Variants in WDR13 observed in about 807,000 individuals in gnomAD.
WDR13 encodes WD repeat domain 13.
In WDR13, 1 loss-of-function variant was observed where a neutral mutation model predicts 28.6. The ratio of observed to expected loss-of-function variants is 0.03; its 90% CI spans 0.01 to 0.17. WDR13 has a LOEUF of 0.17. Ranked by LOEUF, WDR13 falls within the 10% of genes least tolerant of loss-of-function variation. The probability of loss-of-function intolerance (pLI) is 1.00; values close to 1 mark genes in which losing one functional copy is unlikely to be tolerated. For missense variants in WDR13, 264 were observed against 469.3 expected (o/e 0.56, Z 4.04); for synonymous variants, 201 against 185.9 (o/e 1.08, Z -0.66).
chrX:48,608,374 C>T lies in WDR13; in HGVS notation c.*3342C>T, dbSNP rs1556996407. The T allele has an allele frequency of 9.0e-6, 1 of 111,605 alleles. No individual in the cohort carries two copies. The highest frequency in any genetic ancestry group is 1.9e-5 in the Non-Finnish European group (1 of 53,216). 9.2% of individuals were successfully genotyped at this position (111,605 alleles called of 1,213,427 possible). A position where few individuals can be genotyped will look rare whatever the true frequency, so the allele number is the denominator to read the frequency against. ...CAAGTGATCCTCTCACCTTGGCCTA[C>T]CAAAGTGCTGGCGTTACAGGTGTGA... On this transcript the variant is annotated 3_prime_UTR_variant, in exon 10 of 10. Transcript: ENST00000376729.
In WDR13 at chrX:48,605,808, C is replaced by G. The variant is rs939099662; in HGVS notation, c.*776C>G. ...TGAACTCCTGGGCTCAAGCGATCCA[C>G]TCGCCTCAGCCTCCCAAAGTGCTGG... is the stretch of plus-strand genomic sequence containing the variant. On this transcript the variant is annotated 3_prime_UTR_variant, in exon 10 of 10. Transcript: ENST00000376729. 4 of 111,085 alleles carry G rather than the reference C, an allele frequency of 3.6e-5. No homozygotes were observed. Among genetic ancestry groups the G allele is most frequent in the African/African-American group, 9.8e-5 (3 of 30,536 alleles). 9.2% of individuals were successfully genotyped at this position (111,085 alleles called of 1,213,427 possible). A position where few individuals can be genotyped will look rare whatever the true frequency, so the allele number is the denominator to read the frequency against.
chrX:48,600,462 T>G lies in WDR13; in HGVS notation c.667T>G (p.Phe223Val). 8.2e-7 allele frequency: 1 copy of G among 1,212,563 alleles called. No individual in the cohort carries two copies. The highest frequency in any genetic ancestry group is 1.1e-6 in the Non-Finnish European group (1 of 895,707). Residue 223 changes from phenylalanine (F) to valine (V), a missense_variant, in exon 6 of 10, where the codon TTC (phenylalanine) becomes GTC (valine). Phe to Val is a conservative substitution (Grantham distance 50). Coordinates refer to ENST00000376729, the MANE Select transcript of WDR13 (RefSeq NM_001347217.2). The stretch of plus-strand genomic sequence containing the variant: ...GGGCCACACCCGTGGTGTCTCCGAC[T>G]TCGCCTGGTCCCTCTCCAATGACAT... ...LRGHTRGVSD[F>V]AWSLSNDILV...
At chrX:48,602,329 A>T (rs927143196) in intron 8 of WDR13, 123 bp downstream of exon 8, 18 of 820,778 alleles carry the variant, frequency 2.2e-5, no homozygotes, top group Non-Finnish European at 2.7e-5. Flanking sequence ...AGTAACAGTA[A>T]TAGCAGTAGT....
intron 8 of WDR13, among the ~76,000 whole-genome samples, chrX:48,603,876 A>G (rs919528730): frequency 9.0e-6 from 1 of 111,400 alleles, no homozygotes; most frequent in African/African-American, 3.3e-5. Context: ...AAACTAGTGA[A>G]TGAAACTGCA....
intron 8 of WDR13, among the ~76,000 whole-genome samples, chrX:48,603,727 C>T (rs1447306100): frequency 9.0e-6 from 1 of 111,295 alleles, no homozygotes; most frequent in African/African-American, 3.3e-5. Context: ...GAAACCCCCC[C>T]AGGTTACCTG....
rs2062231546 is a variant in WDR13, at chrX:48,607,963, G to T, written c.*2931G>T. 9.3e-6 allele frequency: 1 copy of T among 108,082 alleles called. No homozygotes were observed. The highest frequency in any genetic ancestry group is 3.4e-5 in the African/African-American group (1 of 29,598). 8.9% of individuals were successfully genotyped at this position (108,082 alleles called of 1,213,427 possible). A position where few individuals can be genotyped will look rare whatever the true frequency, so the allele number is the denominator to read the frequency against. On this transcript the variant is annotated 3_prime_UTR_variant, in exon 10 of 10. Coordinates refer to ENST00000376729, the MANE Select transcript of WDR13 (RefSeq NM_001347217.2). The stretch of plus-strand genomic sequence containing the variant: ...ATTTTTGTATTTTTAGTAGAGACGG[G>T]GTTTCACCATATTGGCCAGGCTGGT...
At chrX:48,600,880 G>A (rs1443996499) in intron 6 of WDR13, among the ~76,000 whole-genome samples, 1 of 111,244 alleles carries the variant, frequency 9.0e-6, no homozygotes, top group Non-Finnish European at 1.9e-5. Context: ...CGGATCACGA[G>A]GTCAGGAGAT....
Position 48,598,495 on chromosome X carries a change from ACT to A in WDR13, c.42-219_42-218del, listed in dbSNP as rs1208228656. On this transcript the variant is annotated intron_variant, in intron 2 of 9. Transcript: ENST00000376729. ...GGGACCCCAGCACGGCAGCAGACTG[ACT>A]CTGTTGTCTGCAAACTGACCTCATG... is the stretch of plus-strand genomic sequence containing the variant. 2.7e-5 allele frequency: 28 copies of A among 1,041,749 alleles called. No homozygotes were observed. The East Asian group carries it at 8.1e-4, about 30-fold the overall frequency. 85.9% of individuals were successfully genotyped at this position (1,041,749 alleles called of 1,213,427 possible). A position where few individuals can be genotyped will look rare whatever the true frequency, so the allele number is the denominator to read the frequency against.
At chrX:48,599,166 C>T in intron 3 of WDR13, 187 bp from the exon 4 acceptor site, 1 of 680,968 alleles carries the variant, frequency 1.5e-6, no homozygotes, top group Non-Finnish European at 2.2e-6. Flanking sequence ...ATCTGCTGAG[C>T]AGGGGGAGGG....
intron 4 of WDR13, 45 bp from the exon 5 acceptor site, chrX:48,599,542 C>T (rs781786718): frequency 3.3e-6 from 4 of 1,210,946 alleles, no homozygotes; most frequent in Non-Finnish European, 3.4e-6. Flanking sequence ...ACTGAACACT[C>T]TCGCATCTAC....
chrX:48,602,754 C>G (rs782750489), intron 8 of WDR13, among the ~76,000 whole-genome samples: 1 of 110,408 alleles, frequency 9.1e-6, no homozygotes, highest in Non-Finnish European at 1.9e-5. Context: ...CAATGTCTGG[C>G]CAGTCCTGAA....
chrX:48,601,813 C>T lies in WDR13; in HGVS notation c.861C>T (p.Val287=). The part of the protein sequence containing the change: ...VVGNAKHNVH[V]MNISTGKKVK... ...GGAACGCCAAGCACAACGTGCATGT[C>T]ATGAACATCTCCACAGGCAAGAAAG... The change falls in exon 7 of 10, where the codon GTC becomes GTT. Residue 287 remains valine, a synonymous_variant. Transcript: ENST00000376729. The T allele has an allele frequency of 8.4e-7, 1 of 1,188,781 alleles. No homozygotes were observed. Among genetic ancestry groups the T allele is most frequent in the Non-Finnish European group, 1.1e-6 (1 of 882,853 alleles).
At position 48,600,589 on chromosome X, in the gene WDR13, G is replaced by C. The variant is rs370525874; in HGVS notation, c.794G>C (p.Cys265Ser). 5.8e-5 allele frequency: 70 copies of C among 1,209,564 alleles called. No homozygotes were observed. The African/African-American group carries it at 1.1e-3, about 18-fold the overall frequency. ...IPDPDSAELLCCTFQPVNNNL... is the reference protein window; with the variant it reads ...IPDPDSAELLSCTFQPVNNNL... ...GACCCCGATAGCGCTGAACTGCTCT[G>C]CTGCACCTTCCAGCCTGTCAACAAC... is the stretch of plus-strand genomic sequence containing the variant. Residue 265 changes from cysteine to serine, a missense_variant, in exon 6 of 10, where the codon TGC (cysteine) becomes TCC (serine). Around this residue, in one of 4 missense-constraint regions of WDR13, gnomAD observed 157 missense variants for 270.2 expected, o/e 0.58. Transcript: ENST00000376729.
chrX:48,599,500 CGAG>C lies in WDR13; in HGVS notation c.392+45_392+47del, dbSNP rs782614132. 4.2e-6 allele frequency: 5 copies of C among 1,202,431 alleles called. No homozygotes were observed. In the African/African-American group the frequency reaches 8.7e-5, roughly 21 times the overall value. On this transcript the variant is annotated intron_variant, in intron 4 of 9. Coordinates refer to ENST00000376729, the MANE Select transcript of WDR13 (RefSeq NM_001347217.2). The stretch of plus-strand genomic sequence containing the variant: ...GGCAGCCAAGGCGGGGGGCGGGTTG[CGAG>C]GAGGAGAGGGGCCCTGGGGCAATGG...
intron 1 of WDR13, 125 bp from the exon 2 acceptor site, chrX:48,597,833 G>A: frequency 1.1e-6 from 1 of 902,198 alleles, no homozygotes. Flanking sequence ...GTAACACCCG[G>A]GGGGGAGTTC....
intron 8 of WDR13, among the ~76,000 whole-genome samples, chrX:48,603,314 A>G (rs1372927959): frequency 1.8e-5 from 2 of 111,361 alleles, no homozygotes; most frequent in East Asian, 5.8e-4. Flanking sequence ...CACCTTGCCT[A>G]GCTCCCACCA....
At chrX:48,598,078 G>A (rs1471541987) in intron 2 of WDR13, 41 bp downstream of exon 2, 6 of 1,160,097 alleles carry the variant, frequency 5.2e-6, no homozygotes, top group Admixed American at 5.4e-5. Flanking sequence ...AGAACTTACT[G>A]TGGTGCATGC....
Position 48,605,205 on chromosome X carries a change from C to T in WDR13, c.*173C>T, listed in dbSNP as rs1329716642. The T allele has an allele frequency of 7.9e-6, 4 of 504,963 alleles. No individual in the cohort carries two copies. The highest frequency in any genetic ancestry group is 1.3e-5 in the Non-Finnish European group (4 of 314,619). 41.6% of individuals were successfully genotyped at this position (504,963 alleles called of 1,213,427 possible). ...CACGGTGGAACGGGGTTCATTGACT[C>T]ATTTGTGCATTCATGCATCGACGGA... On this transcript the variant is annotated 3_prime_UTR_variant, in exon 10 of 10. Coordinates refer to ENST00000376729, the MANE Select transcript of WDR13 (RefSeq NM_001347217.2).
intron 8 of WDR13, among the ~76,000 whole-genome samples, chrX:48,602,879 GC>G (rs1569488813): frequency 9.0e-6 from 1 of 110,839 alleles, no homozygotes; most frequent in Non-Finnish European, 1.9e-5. Context: ...CCTTAAGTTT[GC>G]CCATTTCCCA....
Sources: allele counts gnomAD v4.1 joint callset (sites outside exome capture counted in the v4.1 genomes callset), GRCh38; gene constraint gnomAD v4.1.1; regional missense constraint gnomAD v4.1.1; transcripts MANE v1.5; gene names NCBI Gene and HGNC (gene_info 2026-07-23, HGNC 2026-07-21).